The following SIK3 variants were observed in gnomAD, a reference collection of about 807,000 sequenced individuals.
SIK3 encodes serine/threonine-protein kinase SIK3.
SIK3 carries 28 observed loss-of-function variants against 144.2 expected under a neutral mutation model. That is an observed-to-expected ratio of 0.19 (90% confidence interval 0.14 to 0.27). The LOEUF (loss-of-function observed/expected upper bound fraction) is 0.27, where lower values mean the gene tolerates loss of function less well. Ranked by LOEUF, SIK3 falls within the 10% of genes least tolerant of loss-of-function variation. The pLI, the probability that SIK3 is intolerant of heterozygous loss-of-function variation, is 1.00. For missense variants in SIK3, 1,319 were observed against 1,776.0 expected (o/e 0.74, Z 4.62); for synonymous variants, 686 against 676.3 (o/e 1.01, Z -0.22).
intron 16 of SIK3, 27 bp downstream of exon 16, chr11:116,863,641 A>C (rs778334751): frequency 6.2e-7 from 1 of 1,613,388 alleles, no homozygotes; most frequent in South Asian, 1.1e-5. Flanking sequence ...ATGCTCCTCC[A>C]GGGATGCCTG....
intron 9 of SIK3, 76 bp downstream of exon 9, chr11:116,875,790 G>T: frequency 2.0e-6 from 3 of 1,486,102 alleles, no homozygotes; most frequent in South Asian, 2.7e-5. Context: ...CTCGACTTAG[G>T]GTTAGTGAGC....
intron 1 of SIK3, among the ~76,000 whole-genome samples, chr11:117,091,934 C>A (rs1357403049): frequency 2.6e-5 from 4 of 152,010 alleles, no homozygotes; most frequent in African/African-American, 9.7e-5. Context: ...AGGTGCGCAC[C>A]ACCACACCCA....
intron 1 of SIK3, among the ~76,000 whole-genome samples, chr11:116,974,273 C>A (rs1949870595): frequency 6.6e-6 from 1 of 152,202 alleles, no homozygotes; most frequent in African/African-American, 2.4e-5. Flanking sequence ...GTTGGAGATA[C>A]CAGACTAAAC....
At chr11:116,889,480 T>C (rs1325102391) in intron 6 of SIK3, among the ~76,000 whole-genome samples, 3 of 152,034 alleles carry the variant, frequency 2.0e-5, no homozygotes, top group Non-Finnish European at 4.4e-5. Flanking sequence ...GGTAGGAGGG[T>C]TGTTTGAACC....
chr11:116,983,594 A>G (rs1483413166), intron 1 of SIK3, among the ~76,000 whole-genome samples: 4 of 152,190 alleles, frequency 2.6e-5, no homozygotes, highest in African/African-American at 9.7e-5. Flanking sequence ...TATGTAAAAT[A>G]TATCAGTTGA....
intron 1 of SIK3, among the ~76,000 whole-genome samples, chr11:117,091,818 T>C (rs1228964526): frequency 6.6e-6 from 1 of 152,214 alleles, no homozygotes; most frequent in African/African-American, 2.4e-5. Flanking sequence ...GGTTTCACTC[T>C]GTCACCCAGG....
intron 1 of SIK3, among the ~76,000 whole-genome samples, chr11:116,978,968 G>T (rs1199668635): frequency 2.0e-5 from 3 of 152,122 alleles, no homozygotes; most frequent in Non-Finnish European, 4.4e-5. Context: ...AGACATTTGA[G>T]TTGTTTGGAT....
In SIK3 at chr11:116,956,980, GCATCTT is replaced by G; in HGVS notation, c.352_357del (p.Lys118_Met119del). The G allele has an allele frequency of 6.2e-7, 1 of 1,609,512 alleles. No individual in the cohort carries two copies. Among genetic ancestry groups the G allele is most frequent in the Non-Finnish European group, 8.5e-7 (1 of 1,178,602 alleles). On this transcript the variant is annotated inframe_deletion, in exon 2 of 25. Coordinates refer to ENST00000445177, the MANE Select transcript of SIK3 (RefSeq NM_001366686.3). ...AGCCTGATGATATGGGGGTGGCAAA[GCATCTT>G]CATAATTTGAACTTCCCGGAAAATC...
At chr11:116,963,402 A>T (rs1180828719) in intron 1 of SIK3, among the ~76,000 whole-genome samples, 2 of 152,226 alleles carry the variant, frequency 1.3e-5, no homozygotes, top group Non-Finnish European at 2.9e-5. Context: ...TAGAAATCAA[A>T]TTAAAAATCA....
At chr11:117,087,087 G>C (rs1302725867) in intron 1 of SIK3, among the ~76,000 whole-genome samples, 1 of 151,928 alleles carries the variant, frequency 6.6e-6, no homozygotes. Flanking sequence ...TCTCCAGTTT[G>C]GGTTTTTGTC....
chr11:116,922,909 T>C (rs57527449), intron 4 of SIK3, among the ~76,000 whole-genome samples: 607 of 52,196 alleles, frequency 0.012, 5 homozygotes, highest in African/African-American at 0.053. Context: ...TCTTTTCTCT[T>C]TTTTTTTTTT....
intron 1 of SIK3, among the ~76,000 whole-genome samples, chr11:117,084,388 C>T (rs1463499826): frequency 1.3e-5 from 2 of 152,114 alleles, no homozygotes; most frequent in Admixed American, 1.3e-4. Flanking sequence ...CCTCAGACCT[C>T]TCGAGTAGCT....
chr11:116,922,905 C>CTTTTTTTTTT (rs1565455993), intron 4 of SIK3, among the ~76,000 whole-genome samples: 2 of 118,692 alleles, frequency 1.7e-5, no homozygotes, highest in Non-Finnish European at 3.4e-5. Context: ...CTTTTCTTTT[C>CTTTTTTTTTT]TCTTTTTTTT....
intron 15 of SIK3, 110 bp from the exon 16 acceptor site, chr11:116,863,928 C>T: frequency 8.5e-7 from 1 of 1,175,674 alleles, no homozygotes; most frequent in Non-Finnish European, 1.2e-6. Context: ...GCCCAGGTAG[C>T]CCTGCATATT....
At chr11:116,906,236 C>T (rs771136151) in intron 4 of SIK3, among the ~76,000 whole-genome samples, 3 of 151,954 alleles carry the variant, frequency 2.0e-5, no homozygotes, top group Non-Finnish European at 4.4e-5. Context: ...GCGGACAGTA[C>T]TTGATAACAA....
In SIK3 at chr11:116,846,554, C is replaced by T. The variant is rs919520950; in HGVS notation, c.3953-1G>A. On this transcript the variant is annotated splice_acceptor_variant, in intron 23 of 24. Coordinates refer to ENST00000445177, the MANE Select transcript of SIK3 (RefSeq NM_001366686.3). LOFTEE classifies it high-confidence loss of function. This position sits in a 1 kb window ranked among gnomAD's most constrained non-coding sequence, Gnocchi z 4.1. Reference sequence around the variant, plus strand: ...TGACCTCCCAGGCTTGCCCCACATTCTGCAAGACCAAAAAGAACGTATGAG... The same window carrying T: ...TGACCTCCCAGGCTTGCCCCACATTTTGCAAGACCAAAAAGAACGTATGAG... 6.2e-7 allele frequency: 1 copy of T among 1,613,954 alleles called. No individual in the cohort carries two copies.
At chr11:116,984,403 G>A (rs1950256495) in intron 1 of SIK3, among the ~76,000 whole-genome samples, 1 of 152,142 alleles carries the variant, frequency 6.6e-6, no homozygotes. Flanking sequence ...AGGCTACATG[G>A]ATGCAAATTC....
At chr11:117,023,951 T>C (rs1951903958) in intron 1 of SIK3, among the ~76,000 whole-genome samples, 1 of 152,100 alleles carries the variant, frequency 6.6e-6, no homozygotes, top group Non-Finnish European at 1.5e-5. Flanking sequence ...AGTGCTGGAA[T>C]TACAGGCATG....
intron 3 of SIK3, among the ~76,000 whole-genome samples, chr11:116,950,786 G>A (rs146907537): frequency 2.8e-5 from 4 of 143,084 alleles, no homozygotes; most frequent in South Asian, 2.1e-4. Flanking sequence ...GAAGCCCTGC[G>A]TTCTTGGCTG....
Sources: allele counts gnomAD v4.1 joint callset (sites outside exome capture counted in the v4.1 genomes callset), GRCh38; gene constraint gnomAD v4.1.1; non-coding constraint Gnocchi (gnomAD v3.1); transcripts MANE v1.5; gene names NCBI Gene and HGNC (gene_info 2026-07-23, HGNC 2026-07-21).